Variants in KLF8 observed in about 807,000 individuals in gnomAD.
The protein encoded by KLF8 is Krueppel-like factor 8.
KLF8 carries 10 observed loss-of-function variants against 18.2 expected under a neutral mutation model. That is an observed-to-expected ratio of 0.55 (90% CI 0.34 to 0.93). KLF8 has a LOEUF of 0.93. Among genes scored for constraint, KLF8 ranks in the 40% least tolerant of loss-of-function variants. The pLI, the probability that KLF8 is intolerant of heterozygous loss-of-function variation, is 0.02. For missense variants in KLF8, 264 were observed against 277.9 expected, an observed-to-expected ratio of 0.95 and a Z score of 0.36; for synonymous variants, 109 against 97.3, an observed-to-expected ratio of 1.12 and a Z score of -0.71.
chrX:56,254,483 G>C (rs2066762212), intron 2 of KLF8, among the ~76,000 whole-genome samples: 1 of 112,090 alleles, frequency 8.9e-6, no homozygotes, highest in South Asian at 3.7e-4. Context: ...TTTGCAGATG[G>C]CTTAAGCATT....
chrX:56,084,084 G>T, the KLF8 span, among the ~76,000 whole-genome samples: 1 of 111,718 alleles, frequency 9.0e-6, no homozygotes. Context: ...ACTATAAAAA[G>T]CCAATTATAA....
the KLF8 span, among the ~76,000 whole-genome samples, chrX:55,934,053 G>A: frequency 8.9e-6 from 1 of 111,818 alleles, no homozygotes; most frequent in Non-Finnish European, 1.9e-5. Flanking sequence ...CTAGAATTGA[G>A]GGAATATGGT....
the KLF8 span, among the ~76,000 whole-genome samples, chrX:56,095,078 G>A: frequency 9.0e-6 from 1 of 110,849 alleles, no homozygotes; most frequent in Non-Finnish European, 1.9e-5. Context: ...AAAGCTGGAG[G>A]TATTATATTA....
the KLF8 span, among the ~76,000 whole-genome samples, chrX:56,106,796 CT>C: frequency 1.3e-4 from 15 of 112,280 alleles, no homozygotes; most frequent in African/African-American, 4.5e-4. Context: ...AAAAGGTGCT[CT>C]GATTTTTAGA....
chrX:55,938,412 G>T, the KLF8 span, among the ~76,000 whole-genome samples: 1 of 111,777 alleles, frequency 8.9e-6, no homozygotes, highest in Non-Finnish European at 1.9e-5. Context: ...ACCAGCCACT[G>T]CAAAAACATG....
the KLF8 span, among the ~76,000 whole-genome samples, chrX:55,932,031 C>T: frequency 9.1e-6 from 1 of 109,911 alleles, no homozygotes; most frequent in African/African-American, 3.3e-5. Flanking sequence ...TAAGAACTTG[C>T]GTTATGAATC....
chrX:56,211,134 G>A, the KLF8 span, among the ~76,000 whole-genome samples: 1 of 111,714 alleles, frequency 9.0e-6, no homozygotes, highest in Non-Finnish European at 1.9e-5. Context: ...GGTATTTATT[G>A]TAGTCTCCAC....
chrX:56,248,864 C>A (rs147810959), intron 1 of KLF8, among the ~76,000 whole-genome samples: 334 of 111,792 alleles, frequency 3.0e-3, no homozygotes, highest in African/African-American at 0.01. Flanking sequence ...TTCTTTCGTT[C>A]TTTTCCACCC....
chrX:56,070,799 A>G, the KLF8 span, among the ~76,000 whole-genome samples: 3 of 112,712 alleles, frequency 2.7e-5, no homozygotes, highest in Admixed American at 2.8e-4. Flanking sequence ...TAAAAAAAGA[A>G]CATGTGGTGG....
At chrX:56,183,333 G>T in the KLF8 span, among the ~76,000 whole-genome samples, 1 of 111,914 alleles carries the variant, frequency 8.9e-6, no homozygotes, top group Non-Finnish European at 1.9e-5. Flanking sequence ...GCAGTATTAG[G>T]GTGGGAGTTT....
the KLF8 span, among the ~76,000 whole-genome samples, chrX:56,204,498 C>T: frequency 1.7e-4 from 19 of 111,372 alleles, no homozygotes; most frequent in Admixed American, 9.6e-4. Context: ...TGTTGTGTTA[C>T]GGATCTTCAA....
the KLF8 span, among the ~76,000 whole-genome samples, chrX:56,178,033 G>A: frequency 8.9e-6 from 1 of 111,834 alleles, no homozygotes; most frequent in Non-Finnish European, 1.9e-5. Flanking sequence ...GGAATTCCCT[G>A]ACCCCTTGTG....
At chrX:56,145,318 A>G in the KLF8 span, among the ~76,000 whole-genome samples, 1 of 111,780 alleles carries the variant, frequency 8.9e-6, no homozygotes, top group African/African-American at 3.3e-5. Flanking sequence ...GTTGATGAGA[A>G]TATAGAGAAA....
chrX:56,272,523 G>T (rs1182190777), intron 5 of KLF8, among the ~76,000 whole-genome samples: 1 of 111,376 alleles, frequency 9.0e-6, no homozygotes, highest in African/African-American at 3.3e-5. Context: ...ACTTTGTTTA[G>T]ATTCGGAATT....
At chrX:56,005,391 G>A in the KLF8 span, among the ~76,000 whole-genome samples, 1 of 111,984 alleles carries the variant, frequency 8.9e-6, no homozygotes, top group Admixed American at 9.4e-5. Context: ...CATTAGCTGG[G>A]GTGGCATACC....
the KLF8 span, among the ~76,000 whole-genome samples, chrX:56,138,123 T>C: frequency 9.6e-6 from 1 of 104,224 alleles, no homozygotes; most frequent in Non-Finnish European, 1.9e-5. Flanking sequence ...CCTCCTAAGA[T>C]TGAAACAGGA....
At chrX:56,163,666 CT>C in the KLF8 span, among the ~76,000 whole-genome samples, 1 of 111,768 alleles carries the variant, frequency 8.9e-6, no homozygotes, top group Non-Finnish European at 1.9e-5. Flanking sequence ...GTCACTAAAT[CT>C]TTGCCCACTC....
the KLF8 span, among the ~76,000 whole-genome samples, chrX:56,185,570 T>G: frequency 9.0e-6 from 1 of 111,096 alleles, no homozygotes; most frequent in Non-Finnish European, 1.9e-5. Flanking sequence ...GACACATAAT[T>G]GTCAGATTCT....
At chrX:56,173,397 T>C in the KLF8 span, among the ~76,000 whole-genome samples, 1 of 111,887 alleles carries the variant, frequency 8.9e-6, no homozygotes, top group Admixed American at 9.5e-5. Context: ...TTCTCAAAGA[T>C]CAGATAGTGG....
Sources: gnomAD v4.1 joint callset for allele counts (sites outside exome capture counted in the v4.1 genomes callset) on GRCh38, gnomAD v4.1.1 for gene constraint, MANE v1.5 for transcripts, NCBI Gene and HGNC (gene_info 2026-07-23, HGNC 2026-07-21) for gene names.